Variants in GPC5 observed in about 807,000 individuals in gnomAD.
GPC5 encodes the protein glypican 5.
Under a neutral mutation model 53.9 loss-of-function variants are expected in GPC5, and 47 were observed. That is an observed-to-expected ratio of 0.87 (90% CI 0.69 to 1.11). GPC5 has a LOEUF of 1.11. Ranked by LOEUF, GPC5 falls within the 50% of genes most tolerant of loss-of-function variation. GPC5 has a pLI of 0.00. For missense variants in GPC5, 748 were observed against 713.1 expected (o/e 1.05, Z -0.56); for synonymous variants, 286 against 263.3 (o/e 1.09, Z -0.84).
intron 6 of GPC5, among the ~76,000 whole-genome samples, chr13:92,055,234 T>C (rs1280715210): frequency 7.9e-5 from 12 of 152,198 alleles, no homozygotes; most frequent in Admixed American, 7.9e-4. Context: ...ATTTGGAGGC[T>C]GTTTGTCAGA....
chr13:92,249,537 G>A (rs2042677105), intron 7 of GPC5, among the ~76,000 whole-genome samples: 3 of 152,112 alleles, frequency 2.0e-5, no homozygotes, highest in Admixed American at 2.0e-4. Context: ...TTATTTATGT[G>A]TGTTTATCCT....
intron 7 of GPC5, among the ~76,000 whole-genome samples, chr13:92,771,374 G>A (rs1023306201): frequency 3.9e-5 from 6 of 151,974 alleles, no homozygotes; most frequent in African/African-American, 7.2e-5. Context: ...ACAGAGTCTC[G>A]CTCTGTCGCC....
At chr13:91,997,800 G>A (rs977744832) in intron 6 of GPC5, among the ~76,000 whole-genome samples, 8 of 152,126 alleles carry the variant, frequency 5.3e-5, no homozygotes, top group South Asian at 2.1e-4. Context: ...GATTACAGGC[G>A]TGAGCCACCA....
intron 7 of GPC5, among the ~76,000 whole-genome samples, chr13:92,392,776 G>A (rs1875068633): frequency 6.6e-6 from 1 of 152,054 alleles, no homozygotes; most frequent in Non-Finnish European, 1.5e-5. Context: ...ACATACATGT[G>A]GCCAACAAGC....
chr13:91,644,016 T>G (rs2034499021), intron 2 of GPC5, among the ~76,000 whole-genome samples: 1 of 58,124 alleles, frequency 1.7e-5, no homozygotes, highest in African/African-American at 3.8e-5. Flanking sequence ...ATGTTAAGAC[T>G]TCAACATATG....
Position 92,284,666 on chromosome 13 carries a change from A to G in GPC5, c.1561+139677A>G, listed in dbSNP as rs564287063. Among the ~76,000 whole-genome samples, 4 of 152,352 alleles carry G rather than the reference A, an allele frequency of 2.6e-5. 1 individual carries two copies. The highest frequency in any genetic ancestry group is 7.2e-5 in the African/African-American group (3 of 41,578). On this transcript the variant is annotated intron_variant, in intron 7 of 7. Transcript: ENST00000377067. ...CACATGATTATCTCAATAGATGCAG[A>G]AAACGCCTCTGACAAAATTCAACAG...
At chr13:92,208,522 T>G (rs1028305193) in intron 7 of GPC5, among the ~76,000 whole-genome samples, 3 of 152,190 alleles carry the variant, frequency 2.0e-5, no homozygotes, top group Non-Finnish European at 4.4e-5. Context: ...AGCAACTCTA[T>G]GAGAAACATC....
At chr13:92,555,466 A>G (rs1488717760) in intron 7 of GPC5, among the ~76,000 whole-genome samples, 5 of 151,462 alleles carry the variant, frequency 3.3e-5, no homozygotes, top group Non-Finnish European at 7.4e-5. Flanking sequence ...ATAAAAGGAA[A>G]TGACTTAATC....
At chr13:91,672,253 T>C (rs1316597736) in intron 2 of GPC5, among the ~76,000 whole-genome samples, 5 of 152,022 alleles carry the variant, frequency 3.3e-5, no homozygotes, top group Non-Finnish European at 7.4e-5. Flanking sequence ...GGGATCTAAT[T>C]AAAGAGCTTC....
chr13:92,462,158 G>A (rs1381543126), intron 7 of GPC5, among the ~76,000 whole-genome samples: 1 of 152,160 alleles, frequency 6.6e-6, no homozygotes, highest in Non-Finnish European at 1.5e-5. Context: ...AGAGGGTTTT[G>A]AGCAAAAAGA....
At position 92,281,524 on chromosome 13, in the gene GPC5, G is replaced by A. The variant is rs147546672; in HGVS notation, c.1561+136535G>A. On this transcript the variant is annotated intron_variant, in intron 7 of 7. Coordinates refer to ENST00000377067, the MANE Select transcript of GPC5 (RefSeq NM_004466.6). The stretch of plus-strand genomic sequence containing the variant: ...GTAGGGGGAGACTGACACCTCACAC[G>A]GCTGGGTACCCCTCTGAGACGAAGC... 4.1e-3 allele frequency among the ~76,000 whole-genome samples: 629 copies of A among 152,182 alleles called. 6 individuals are homozygous for A. Among genetic ancestry groups the A allele is most frequent in the African/African-American group, 0.015 (610 of 41,512 alleles).
At chr13:91,454,089 G>A (rs1881373754) in intron 2 of GPC5, among the ~76,000 whole-genome samples, 1 of 152,024 alleles carries the variant, frequency 6.6e-6, no homozygotes, top group African/African-American at 2.4e-5. Context: ...ATCTAATACA[G>A]CAGCTATCAG....
chr13:91,682,708 TG>T (rs1294722719), intron 2 of GPC5, among the ~76,000 whole-genome samples: 1 of 152,168 alleles, frequency 6.6e-6, no homozygotes, highest in Non-Finnish European at 1.5e-5. Context: ...GAGCAGTCTG[TG>T]AACATAAGAA....
intron 5 of GPC5, among the ~76,000 whole-genome samples, chr13:91,761,988 T>G (rs1247310377): frequency 6.6e-6 from 1 of 152,232 alleles, no homozygotes; most frequent in Non-Finnish European, 1.5e-5. Context: ...CCAAGGATTT[T>G]AGCAAATGCC....
intron 2 of GPC5, among the ~76,000 whole-genome samples, chr13:91,692,165 T>A (rs762061302): frequency 5.9e-5 from 9 of 152,160 alleles, no homozygotes; most frequent in Non-Finnish European, 1.3e-4. Flanking sequence ...GTTATTTAAG[T>A]AAGAAACAAA....
chr13:91,536,013 A>G (rs547357603), intron 2 of GPC5, among the ~76,000 whole-genome samples: 1 of 152,320 alleles, frequency 6.6e-6, no homozygotes, highest in East Asian at 1.9e-4. Flanking sequence ...ATATTTTCAA[A>G]TCATTTTAAT....
At chr13:92,421,157 G>T (rs1876540984) in intron 7 of GPC5, among the ~76,000 whole-genome samples, 1 of 152,080 alleles carries the variant, frequency 6.6e-6, no homozygotes, top group Non-Finnish European at 1.5e-5. Context: ...TCCATAACTT[G>T]CCTCTTCTAG....
intron 7 of GPC5, among the ~76,000 whole-genome samples, chr13:92,717,782 T>C (rs1397744147): frequency 6.6e-6 from 1 of 152,174 alleles, no homozygotes; most frequent in Non-Finnish European, 1.5e-5. Flanking sequence ...GGAGACATCA[T>C]AGTGAATGTG....
intron 7 of GPC5, chr13:92,448,536 G>A (rs947475867): frequency 2.4e-4 from 20 of 82,540 alleles, no homozygotes; most frequent in African/African-American, 1.3e-3. Flanking sequence ...TTTTAAAAAT[G>A]CTTTTAGAAA....
Sources: gnomAD v4.1 joint callset for allele counts (sites outside exome capture counted in the v4.1 genomes callset) on GRCh38, gnomAD v4.1.1 for gene constraint, MANE v1.5 for transcripts, NCBI Gene and HGNC (gene_info 2026-07-23, HGNC 2026-07-21) for gene names.